Variants in TTLL11 observed in about 807,000 individuals in gnomAD.
TTLL11 encodes tubulin tyrosine ligase like 11, also known as tubulin polyglutamylase TTLL11.
TTLL11 carries 42 observed loss-of-function variants against 51.7 expected under a neutral mutation model. That is an observed-to-expected ratio of 0.81 (90% CI 0.64 to 1.05). The LOEUF is 1.05. Among genes scored for constraint, TTLL11 ranks in the 50% least tolerant of loss-of-function variants. The pLI is 0.00. For missense variants in TTLL11, 799 were observed against 940.4 expected, an observed-to-expected ratio of 0.85 and a Z score of 1.97; for synonymous variants, 381 against 383.5, an observed-to-expected ratio of 0.99 and a Z score of 0.08.
intron 7 of TTLL11, 100 bp from the exon 8 acceptor site, chr9:121,860,543 A>T: frequency 1.1e-6 from 1 of 933,226 alleles, no homozygotes; most frequent in Non-Finnish European, 1.6e-6. Flanking sequence ...TCCTCCCCAA[A>T]TCCATAGGTT....
At chr9:122,009,275 A>G (rs1161673687) in intron 3 of TTLL11, among the ~76,000 whole-genome samples, 1 of 152,222 alleles carries the variant, frequency 6.6e-6, no homozygotes, top group Non-Finnish European at 1.5e-5. Flanking sequence ...GCATATTTCA[A>G]AACAACATGT....
At chr9:121,910,506 A>C (rs765988054) in intron 6 of TTLL11, among the ~76,000 whole-genome samples, 17 of 152,204 alleles carry the variant, frequency 1.1e-4, no homozygotes, top group Admixed American at 7.2e-4. Flanking sequence ...GCTGAGTGTA[A>C]CAGTTTGGAA....
chr9:121,988,481 A>C (rs4837931), intron 4 of TTLL11, among the ~76,000 whole-genome samples: 1 of 150,404 alleles, frequency 6.6e-6, no homozygotes, highest in African/African-American at 2.5e-5. Context: ...AACCTCTTCC[A>C]GTGCCTCCTG....
chr9:121,851,655 T>C (rs528244073), intron 8 of TTLL11, among the ~76,000 whole-genome samples: 56 of 152,304 alleles, frequency 3.7e-4, no homozygotes, highest in African/African-American at 1.3e-3. Context: ...GCAGGGGCTA[T>C]TGGAGGTGGC....
At chr9:121,926,202 C>T (rs55800626) in intron 6 of TTLL11, among the ~76,000 whole-genome samples, 11,737 of 152,136 alleles carry the variant, frequency 0.077, 661 homozygotes, top group African/African-American at 0.16. Context: ...CAGAGGGGCC[C>T]GGGGCTGGGG....
At position 121,890,423 on chromosome 9, in the gene TTLL11, G is replaced by C. The variant is rs1180385921; in HGVS notation, c.1482-19675C>G. On this transcript the variant is annotated intron_variant, in intron 6 of 8. Transcript: ENST00000321582. The surrounding 1 kb of genome is among the most constrained non-coding windows in gnomAD (Gnocchi z 4.3). ...CTTCCAATGTGTCCTTCATGTCATA[G>C]CCAAAATCCCCAAGCCTGTCCCTGG... is the stretch of plus-strand genomic sequence containing the variant. Among the ~76,000 whole-genome samples, 5 of 152,034 alleles carry C rather than the reference G, an allele frequency of 3.3e-5. No individual in the cohort carries two copies. The highest frequency in any genetic ancestry group is 7.4e-5 in the Non-Finnish European group (5 of 68,024).
chr9:121,907,144 C>G (rs1389130577), intron 6 of TTLL11, among the ~76,000 whole-genome samples: 7 of 152,028 alleles, frequency 4.6e-5, no homozygotes, highest in Non-Finnish European at 8.8e-5. Context: ...TTCAGTCCAC[C>G]AGGGTCTGTG....
intron 6 of TTLL11, among the ~76,000 whole-genome samples, chr9:121,906,788 T>C (rs1839964296): frequency 6.6e-6 from 1 of 152,162 alleles, no homozygotes; most frequent in Non-Finnish European, 1.5e-5. Flanking sequence ...GTACATTGAC[T>C]ATTTCATAGA....
chr9:121,979,785 C>A (rs981607033), intron 4 of TTLL11, among the ~76,000 whole-genome samples: 3 of 152,060 alleles, frequency 2.0e-5, no homozygotes, highest in Non-Finnish European at 4.4e-5. Context: ...AGCCCAAGTC[C>A]CACAGCATGT....
chr9:121,952,808 T>G (rs1305374044), intron 6 of TTLL11, among the ~76,000 whole-genome samples: 1 of 152,156 alleles, frequency 6.6e-6, no homozygotes, highest in Non-Finnish European at 1.5e-5. Context: ...AACTGCTGCC[T>G]GCCTGAGTCA....
At chr9:121,918,118 G>C (rs1239836499) in intron 6 of TTLL11, among the ~76,000 whole-genome samples, 1 of 152,144 alleles carries the variant, frequency 6.6e-6, no homozygotes, top group Non-Finnish European at 1.5e-5. Context: ...CAGGGTGTGG[G>C]GTGTATCAGA....
chr9:121,867,746 G>A lies in TTLL11; in HGVS notation c.1733+2751C>T, dbSNP rs1838222063. ...AAGCCTCCCCCATTCTGTACTTGGAGCACTCTGAATGCCACCCTGCTGGGG... is the reference window on the plus strand; with the variant it reads ...AAGCCTCCCCCATTCTGTACTTGGAACACTCTGAATGCCACCCTGCTGGGG... On this transcript the variant is annotated intron_variant, in intron 7 of 8. Coordinates refer to ENST00000321582, the MANE Select transcript of TTLL11 (RefSeq NM_001139442.2). Among the ~76,000 whole-genome samples the A allele has an allele frequency of 2.6e-5, 4 of 152,012 alleles. No individual in the cohort carries two copies. The South Asian group carries it at 8.3e-4, about 32-fold the overall frequency.
intron 3 of TTLL11, among the ~76,000 whole-genome samples, chr9:122,017,063 A>T (rs1275110540): frequency 6.6e-6 from 1 of 152,132 alleles, no homozygotes; most frequent in East Asian, 1.9e-4. Flanking sequence ...CTCTTTCTTT[A>T]ATGAAATAAA....
intron 2 of TTLL11, among the ~76,000 whole-genome samples, chr9:122,038,804 A>C (rs2131823207): frequency 6.6e-6 from 1 of 152,268 alleles, no homozygotes; most frequent in African/African-American, 2.4e-5. Context: ...TCATTAGGTA[A>C]AAGGCAGAGG....
At chr9:121,993,588 T>A (rs1843173015) in intron 3 of TTLL11, among the ~76,000 whole-genome samples, 1 of 152,242 alleles carries the variant, frequency 6.6e-6, no homozygotes, top group African/African-American at 2.4e-5. Flanking sequence ...AACACACAAG[T>A]GGCATTCATC....
intron 8 of TTLL11, among the ~76,000 whole-genome samples, chr9:121,829,919 T>C (rs981547665): frequency 4.6e-5 from 7 of 152,062 alleles, no homozygotes; most frequent in Non-Finnish European, 7.4e-5. Context: ...TCACCCTTCA[T>C]GGTGCTTCTT....
chr9:121,833,999 T>C (rs531974748), intron 8 of TTLL11, among the ~76,000 whole-genome samples: 6 of 152,198 alleles, frequency 3.9e-5, no homozygotes, highest in Non-Finnish European at 8.8e-5. Flanking sequence ...TGTCTTATCG[T>C]ACAATTCTAA....
intron 3 of TTLL11, among the ~76,000 whole-genome samples, chr9:122,006,981 CAAAAA>C (rs71371911): frequency 1.4e-4 from 6 of 43,466 alleles, no homozygotes; most frequent in African/African-American, 3.6e-4. Context: ...GATACTCTGT[CAAAAA>C]AAAAAAAAAA....
intron 6 of TTLL11, among the ~76,000 whole-genome samples, chr9:121,945,668 C>A (rs1014199744): frequency 6.6e-6 from 1 of 152,220 alleles, no homozygotes; most frequent in Non-Finnish European, 1.5e-5. Context: ...GAACTACTTA[C>A]AATTTTCCAA....
Sources: gnomAD v4.1 joint callset for allele counts (sites outside exome capture counted in the v4.1 genomes callset) on GRCh38, gnomAD v4.1.1 for gene constraint, Gnocchi (gnomAD v3.1) non-coding constraint, MANE v1.5 for transcripts, NCBI Gene and HGNC (gene_info 2026-07-23, HGNC 2026-07-21) for gene names.